GLI2: variants seen among roughly 807,000 people sequenced by gnomAD.
GLI2 encodes the protein transcription activator GLI2.
Under a neutral mutation model 78.9 loss-of-function variants are expected in GLI2, and 22 were observed. The observed-to-expected ratio is 0.28, with a 90% CI of 0.20 to 0.40. The LOEUF (loss-of-function observed/expected upper bound fraction) is 0.40, where lower values mean the gene tolerates loss of function less well. GLI2 is among the 10% of genes least tolerant of loss of function. The pLI is 1.00. For missense variants in GLI2, 2,097 were observed against 2,213.2 expected, an observed-to-expected ratio of 0.95 and a Z score of 1.05; for synonymous variants, 974 against 963.7, an observed-to-expected ratio of 1.01 and a Z score of -0.20.
At chr2:120,738,639 G>A (rs1330285425) in intron 1 of GLI2, among the ~76,000 whole-genome samples, 1 of 152,128 alleles carries the variant, frequency 6.6e-6, no homozygotes, top group African/African-American at 2.4e-5. Context: ...TGGTCAGAAC[G>A]GTCTATTTGC....
At position 120,989,090 on chromosome 2, in the gene GLI2, A is replaced by T. The variant is rs759476656; in HGVS notation, c.3125A>T (p.Asp1042Val). The change falls in exon 14 of 14, where the codon GAC becomes GTC. Residue 1042 changes from aspartate (D) to valine (V), a missense_variant. Coordinates refer to ENST00000361492, the MANE Select transcript of GLI2 (RefSeq NM_001374353.1). ...PEADLGLPED[D>V]LVLPDDVVQY... ...GCCGACCTGGGGCTGCCGGAGGACGACCTGGTGCTTCCAGACGACGTGGTG... is the reference window on the plus strand; with the variant it reads ...GCCGACCTGGGGCTGCCGGAGGACGTCCTGGTGCTTCCAGACGACGTGGTG... The T allele has an allele frequency of 5.0e-6, 8 of 1,612,182 alleles. No individual in the cohort carries two copies. In the African/African-American group the frequency reaches 1.1e-4, roughly 22 times the overall value.
chr2:120,889,039 C>T (rs921194850), intron 2 of GLI2, among the ~76,000 whole-genome samples: 1 of 152,294 alleles, frequency 6.6e-6, no homozygotes, highest in Non-Finnish European at 1.5e-5. Flanking sequence ...CCAGAAAGGG[C>T]CCCTCCAGCA....
intron 5 of GLI2, among the ~76,000 whole-genome samples, chr2:120,963,630 C>T (rs991020888): frequency 6.6e-6 from 1 of 151,958 alleles, no homozygotes; most frequent in African/African-American, 2.4e-5. Context: ...TGTGTCTCCA[C>T]CTGGGGCCCC....
At chr2:120,933,486 A>G (rs1431553445) in intron 3 of GLI2, among the ~76,000 whole-genome samples, 1 of 152,154 alleles carries the variant, frequency 6.6e-6, no homozygotes, top group Non-Finnish European at 1.5e-5. Flanking sequence ...AAGAGTCTGT[A>G]CAAGGGCGAG....
rs530111921 is a variant in GLI2 at position 120,980,224 on chromosome 2, G to A, written c.1467+1641G>A. Among the ~76,000 whole-genome samples, 12 of 152,276 alleles carry A rather than the reference G, an allele frequency of 7.9e-5. No homozygotes were observed. In the South Asian group the frequency reaches 2.5e-3, roughly 32 times the overall value. Reference sequence around the variant, plus strand: ...AACTGCTAGTCTGTTTTCCAAAAACGCTGCTCCATTTTACCTTTCCACCCA... The same window carrying A: ...AACTGCTAGTCTGTTTTCCAAAAACACTGCTCCATTTTACCTTTCCACCCA... On this transcript the variant is annotated intron_variant, in intron 10 of 13. Transcript: ENST00000361492.
chr2:120,789,278 C>T (rs1684083470), intron 1 of GLI2, among the ~76,000 whole-genome samples: 2 of 152,120 alleles, frequency 1.3e-5, no homozygotes, highest in African/African-American at 4.8e-5. Context: ...CCCTCCTCAG[C>T]CTCCCAGAGT....
chr2:120,882,363 C>T (rs1461005818), intron 2 of GLI2, among the ~76,000 whole-genome samples: 2 of 152,220 alleles, frequency 1.3e-5, no homozygotes, highest in Non-Finnish European at 2.9e-5. Context: ...CTGGAGGGCG[C>T]CCGCTGCAGG....
At chr2:120,982,675 C>T in intron 10 of GLI2, 41 bp from the exon 11 acceptor site, 4 of 1,574,772 alleles carry the variant, frequency 2.5e-6, no homozygotes, top group South Asian at 1.2e-5. Flanking sequence ...CAAGGTTGGG[C>T]CCCCTGGGGT....
chr2:120,895,393 T>C (rs1338045445), intron 2 of GLI2, among the ~76,000 whole-genome samples: 1 of 152,200 alleles, frequency 6.6e-6, no homozygotes, highest in Non-Finnish European at 1.5e-5. Flanking sequence ...GGGTGAATTG[T>C]TATGAATAAA....
intron 3 of GLI2, among the ~76,000 whole-genome samples, chr2:120,933,905 G>C (rs1321438402): frequency 1.3e-5 from 2 of 150,600 alleles, no homozygotes; most frequent in Admixed American, 6.6e-5. Flanking sequence ...CTTCAGAGAA[G>C]ACCAATTTCA....
chr2:120,990,106 G>C lies in GLI2; in HGVS notation c.4141G>C (p.Ala1381Pro). 6.2e-7 allele frequency: 1 copy of C among 1,601,162 alleles called. No individual in the cohort carries two copies. The highest frequency in any genetic ancestry group is 8.5e-7 in the Non-Finnish European group (1 of 1,172,264). Residue 1381 changes from alanine (A) to proline (P), a missense_variant, in exon 14 of 14, where the codon GCC (alanine) becomes CCC (proline). This residue lies in a region of GLI2 where 1,290 missense variants were observed against 1,261.7 expected (regional missense o/e 1.02). Coordinates refer to ENST00000361492, the MANE Select transcript of GLI2 (RefSeq NM_001374353.1). ...GCAGCAGCAGCTGGCCTACGCCAGG[G>C]CCACAGGCCATGCCATGGCTGCCAT... The part of the protein sequence containing the change: ...AVQQQLAYAR[A>P]TGHAMAAMPS...
chr2:120,973,311 A>G (rs1322879266), intron 8 of GLI2, among the ~76,000 whole-genome samples: 2 of 152,218 alleles, frequency 1.3e-5, no homozygotes, highest in Non-Finnish European at 2.9e-5. Context: ...AACACGCCAG[A>G]AAGGCAAGGA....
At chr2:120,928,903 C>G (rs1327230597) in intron 3 of GLI2, among the ~76,000 whole-genome samples, 1 of 152,222 alleles carries the variant, frequency 6.6e-6, no homozygotes, top group Non-Finnish European at 1.5e-5. Context: ...GCTCTTCACT[C>G]ACCCACAGAG....
intron 4 of GLI2, among the ~76,000 whole-genome samples, chr2:120,954,515 G>A (rs201423756): frequency 6.6e-6 from 1 of 152,156 alleles, no homozygotes; most frequent in Admixed American, 6.5e-5. Context: ...TAACAGAGAG[G>A]CCGTAGTGCA....
rs772643710 is a variant in GLI2 at position 120,982,782 on chromosome 2, G to A, written c.1534G>A (p.Gly512Arg). 5.6e-6 allele frequency: 9 copies of A among 1,613,856 alleles called. No homozygotes were observed. Among genetic ancestry groups the A allele is most frequent in the African/African-American group, 1.3e-5 (1 of 74,908 alleles). The change falls in exon 11 of 14, where the codon GGG becomes AGG. Residue 512 changes from glycine to arginine, a missense_variant. Physicochemically the swap from Gly to Arg is moderately radical, Grantham distance 125 (BLOSUM62 -2). Transcript: ENST00000361492. ...GAAGACACACCTGCGGTCCCACACCGGGGAGAAGCCATATGTGTGTGAGCA... is the reference window on the plus strand; with the variant it reads ...GAAGACACACCTGCGGTCCCACACCAGGGAGAAGCCATATGTGTGTGAGCA... ...NLKTHLRSHT[G>R]EKPYVCEHEG...
intron 3 of GLI2, among the ~76,000 whole-genome samples, chr2:120,930,990 C>T (rs966549212): frequency 6.6e-6 from 1 of 152,244 alleles, no homozygotes; most frequent in Non-Finnish European, 1.5e-5. Context: ...GTGGCCCAGC[C>T]AGAGGCCCAC....
At chr2:120,878,262 T>C (rs1228949742) in intron 2 of GLI2, among the ~76,000 whole-genome samples, 2 of 152,320 alleles carry the variant, frequency 1.3e-5, no homozygotes, top group East Asian at 3.9e-4. Context: ...GACAATCTTT[T>C]CTCCTTACGA....
chr2:120,809,902 C>T (rs1685156366), intron 2 of GLI2, among the ~76,000 whole-genome samples: 1 of 152,142 alleles, frequency 6.6e-6, no homozygotes, highest in South Asian at 2.1e-4. Flanking sequence ...CACCAGATTA[C>T]ATCCTCCTTG....
At chr2:120,798,541 T>G (rs1684524434) in intron 2 of GLI2, among the ~76,000 whole-genome samples, 2 of 152,164 alleles carry the variant, frequency 1.3e-5, no homozygotes, top group South Asian at 4.1e-4. Flanking sequence ...TTCCTGCGGT[T>G]CTAAGTGGGA....
Sources: gnomAD v4.1 joint callset for allele counts (sites outside exome capture counted in the v4.1 genomes callset) on GRCh38, gnomAD v4.1.1 for gene constraint, gnomAD v4.1.1 regional missense constraint, MANE v1.5 for transcripts, NCBI Gene and HGNC (gene_info 2026-07-23, HGNC 2026-07-21) for gene names.